GTPBP1: variants seen among roughly 807,000 people sequenced by gnomAD.
GTPBP1 encodes GTP binding protein 1.
A neutral mutation model predicts 62.0 loss-of-function variants in GTPBP1; 23 were observed. The ratio of observed to expected loss-of-function variants is 0.37; its 90% CI spans 0.27 to 0.53. GTPBP1 has a LOEUF of 0.53. GTPBP1 is among the 20% of genes least tolerant of loss of function. The pLI is 0.89. For synonymous variants in GTPBP1, 344 were observed against 364.4 expected (o/e 0.94, Z 0.64); for missense variants, 640 against 917.3 (o/e 0.70, Z 3.90).
chr22:38,736,061 A>C, downstream of GTPBP1: 2 of 625,122 alleles, frequency 3.2e-6, no homozygotes, highest in Non-Finnish European at 5.9e-6. Flanking sequence ...CACAGAGGGA[A>C]GGAAGAAGGG....
chr22:38,723,531 T>G, intron 5 of GTPBP1: 1 of 643,814 alleles, frequency 1.6e-6, no homozygotes, highest in South Asian at 1.8e-5. Context: ...CGAAACTTCC[T>G]TTGTCTTGTA....
rs760086067 is a variant in GTPBP1 at position 38,708,976 on chromosome 22, C to T, written c.304+20C>T. The stretch of plus-strand genomic sequence containing the variant: ...GATCAGGTGAGCATAGTTTTCCTTT[C>T]ACTTTATTTTTAAAAATTATTGGGC... On this transcript the variant is annotated intron_variant, in intron 2 of 11. Transcript: ENST00000216044. The T allele has an allele frequency of 7.7e-6, 11 of 1,425,834 alleles. No individual in the cohort carries two copies. The highest frequency in any genetic ancestry group is 1.4e-5 in the African/African-American group (1 of 71,354). 88.3% of individuals were successfully genotyped at this position (1,425,834 alleles called of 1,614,324 possible).
chr22:38,708,721 C>T (rs2092620782), intron 1 of GTPBP1, 124 bp from the exon 2 acceptor site: 4 of 649,938 alleles, frequency 6.2e-6, no homozygotes, highest in Non-Finnish European at 1.1e-5. Context: ...AGGGGCTGTG[C>T]AGCCTTTTTA....
rs117305559 is a variant in GTPBP1 at position 38,715,806 on chromosome 22, G to T, written c.305-101G>T. 4.2e-3 allele frequency: 3,730 copies of T among 892,360 alleles called. 16 individuals carry two copies. The highest frequency in any genetic ancestry group is 5.5e-3 in the Non-Finnish European group (3,098 of 567,204). 55.3% of individuals were successfully genotyped at this position (892,360 alleles called of 1,614,324 possible). Reference sequence around the variant, plus strand: ...CTGTTCCTCTGCAGTGCTGGGGTCGGGGGGTGGTGGCCTTTGTTAGGTGGG... The same window carrying T: ...CTGTTCCTCTGCAGTGCTGGGGTCGTGGGGTGGTGGCCTTTGTTAGGTGGG... On this transcript the variant is annotated intron_variant, in intron 2 of 11. Transcript: ENST00000216044.
intron 10 of GTPBP1, 93 bp downstream of exon 10, chr22:38,728,254 G>A: frequency 2.3e-6 from 2 of 884,816 alleles, no homozygotes; most frequent in Non-Finnish European, 3.6e-6. Flanking sequence ...TTTAGTCACT[G>A]CCATGGGAGA....
downstream of GTPBP1, chr22:38,734,338 G>T (rs1172042315): frequency 2.2e-6 from 1 of 458,256 alleles, no homozygotes; most frequent in Admixed American, 2.5e-5. Flanking sequence ...AGGTCCAAGG[G>T]GCAAATAGCG....
intron 4 of GTPBP1, among the ~76,000 whole-genome samples, chr22:38,719,349 C>T (rs1047823017): frequency 6.6e-5 from 10 of 152,010 alleles, no homozygotes; most frequent in Admixed American, 6.6e-4. Context: ...ACTCTGTTAC[C>T]CAGGCTAGAG....
chr22:38,723,310 G>A (rs565165013), intron 5 of GTPBP1: 9 of 846,564 alleles, frequency 1.1e-5, no homozygotes, highest in East Asian at 2.4e-5. Flanking sequence ...CATGCTGGGC[G>A]ACAGCAGGTG....
chr22:38,729,435 C>T (rs1434376576), intron 10 of GTPBP1, 27 bp from the exon 11 acceptor site: 3 of 1,557,020 alleles, frequency 1.9e-6, no homozygotes, highest in East Asian at 2.4e-5. Context: ...CAGCTCCAGC[C>T]TCAGCCTCTC....
In GTPBP1 at chr22:38,714,268, C is replaced by T. The variant is rs139892579; in HGVS notation, c.305-1639C>T. On this transcript the variant is annotated intron_variant, in intron 2 of 11. Transcript: ENST00000216044. ...CCAAGGCGGGCAGATCACTTGAGGT[C>T]AGGAGTTCGAGACCAGCCTGGCCAG... Among the ~76,000 whole-genome samples, 305 of 152,184 alleles carry T rather than the reference C, an allele frequency of 2.0e-3. 2 individuals are homozygous for T. Among genetic ancestry groups the T allele is most frequent in the African/African-American group, 7.0e-3 (291 of 41,502 alleles).
At chr22:38,736,309 G>A (rs746504640), downstream of GTPBP1, 27 of 1,613,918 alleles carry the variant, frequency 1.7e-5, no homozygotes, top group Non-Finnish European at 2.1e-5. Context: ...GGTAGATGCA[G>A]GTGTACTCGG....
intron 6 of GTPBP1, chr22:38,725,792 G>A (rs1181800501): frequency 3.5e-6 from 2 of 574,004 alleles, no homozygotes; most frequent in Non-Finnish European, 6.2e-6. Flanking sequence ...ACAGAACTGA[G>A]TGAGAGAAGA....
chr22:38,708,701 G>C (rs1370370997), intron 1 of GTPBP1, 144 bp from the exon 2 acceptor site: 1 of 605,954 alleles, frequency 1.7e-6, no homozygotes, highest in African/African-American at 1.8e-5. Flanking sequence ...GAGAAGCAGA[G>C]AGGGCATGAA....
In GTPBP1 at chr22:38,726,255, C is replaced by T. The variant is rs558132752; in HGVS notation, c.1219-3C>T. On this transcript the variant is annotated splice_polypyrimidine_tract_variant and splice_region_variant and intron_variant, in intron 7 of 11. Transcript: ENST00000216044. This position sits in a 1 kb window ranked among gnomAD's most constrained non-coding sequence, Gnocchi z 4.1. ...TATGAGGCCAGGGTCTTCTCCTTGG[C>T]AGGGTGTGGGGACAGTGGTTTCGGG... 6 of 1,613,800 alleles carry T rather than the reference C, an allele frequency of 3.7e-6. No homozygotes were observed. The South Asian group carries it at 5.5e-5, about 15-fold the overall frequency.
downstream of GTPBP1, chr22:38,739,812 C>T (rs750605933): frequency 6.2e-7 from 1 of 1,613,660 alleles, no homozygotes; most frequent in Non-Finnish European, 8.5e-7. The surrounding 1 kb of genome is among the most constrained non-coding windows in gnomAD (Gnocchi z 6.7). Context: ...GCATCTCTGC[C>T]ACATGGGTGA....
chr22:38,709,054 G>C (rs2092623031), intron 2 of GTPBP1, 98 bp downstream of exon 2: 1 of 697,112 alleles, frequency 1.4e-6, no homozygotes. Context: ...AGGCCAAGAC[G>C]GGTGGATCAC....
intron 5 of GTPBP1, chr22:38,722,846 T>C: frequency 6.5e-7 from 1 of 1,537,908 alleles, no homozygotes; most frequent in East Asian, 2.3e-5. Context: ...CATGGGTTTC[T>C]ACATACTGGA....
rs745400646 is a variant in GTPBP1, at chr22:38,716,826, T to A, written c.660T>A (p.Ser220Arg). 1 of 1,614,158 alleles carries A rather than the reference T, an allele frequency of 6.2e-7. No homozygotes were observed. Among genetic ancestry groups the A allele is most frequent in the South Asian group, 1.1e-5 (1 of 91,080 alleles). Residue 220 changes from serine to arginine, a missense_variant, in exon 4 of 12, where the codon AGT (serine) becomes AGA (arginine). By Grantham distance (110) the Ser-to-Arg change is moderately radical. This residue lies in a region of GTPBP1 where 88 missense variants were observed against 217.0 expected (regional missense o/e 0.41). Transcript: ENST00000216044. The surrounding 1 kb of genome is among the most constrained non-coding windows in gnomAD (Gnocchi z 5.2). ...GCAACGACATTCTGGGCTTTGACAGTGAAGGCAATGTAGTGAACAAGCCTG... is the reference window on the plus strand; with the variant it reads ...GCAACGACATTCTGGGCTTTGACAGAGAAGGCAATGTAGTGAACAAGCCTG... The part of the protein sequence containing the change: ...SVGNDILGFD[S>R]EGNVVNKPDS...
At chr22:38,740,845 C>T, downstream of GTPBP1, 3 of 755,214 alleles carry the variant, frequency 4.0e-6, no homozygotes, top group Non-Finnish European at 6.6e-6. The surrounding 1 kb of genome is among the most constrained non-coding windows in gnomAD (Gnocchi z 4.8). Context: ...CAAAGACAGG[C>T]CCTGGGCAGG....
Sources: gnomAD v4.1 joint callset for allele counts (sites outside exome capture counted in the v4.1 genomes callset) on GRCh38, gnomAD v4.1.1 for gene constraint, gnomAD v4.1.1 regional missense constraint, Gnocchi (gnomAD v3.1) non-coding constraint, MANE v1.5 for transcripts, NCBI Gene and HGNC (gene_info 2026-07-23, HGNC 2026-07-21) for gene names.